The following CACNA1A variants were observed in gnomAD, a reference collection of about 807,000 sequenced individuals.
The protein encoded by CACNA1A is calcium voltage-gated channel subunit alpha1 A.
A neutral mutation model predicts 262.4 loss-of-function variants in CACNA1A; 57 were observed. The ratio of observed to expected loss-of-function variants is 0.22; its 90% confidence interval spans 0.18 to 0.27. CACNA1A has a LOEUF of 0.27. Ranked by LOEUF, CACNA1A falls within the 10% of genes least tolerant of loss-of-function variation. The pLI, the probability that CACNA1A is intolerant of heterozygous loss-of-function variation, is 1.00. For missense variants in CACNA1A, 2,526 were observed against 3,562.8 expected (o/e 0.71, Z 7.41); for synonymous variants, 1,431 against 1,419.3 (o/e 1.01, Z -0.18).
intron 3 of CACNA1A, among the ~76,000 whole-genome samples, chr19:13,406,590 G>A (rs1164408306): frequency 6.8e-6 from 1 of 146,132 alleles, no homozygotes; most frequent in Non-Finnish European, 1.5e-5. Flanking sequence ...GGTGCATTCA[G>A]TGTCCACTCC....
intron 3 of CACNA1A, among the ~76,000 whole-genome samples, chr19:13,437,657 C>T (rs916211809): frequency 6.2e-5 from 9 of 144,580 alleles, no homozygotes; most frequent in African/African-American, 2.3e-4. Context: ...CGCCACTGCA[C>T]TCCAGCCTGG....
chr19:13,338,566 C>CAATG (rs58950534), intron 6 of CACNA1A, among the ~76,000 whole-genome samples: 102,472 of 151,522 alleles, frequency 0.68, 34,786 homozygotes, highest in Admixed American at 0.75. Context: ...ATGCAATGAA[C>CAATG]AATGCCACAG....
chr19:13,266,405 A>G (rs1176126784), intron 24 of CACNA1A, among the ~76,000 whole-genome samples: 3 of 152,020 alleles, frequency 2.0e-5, no homozygotes, highest in African/African-American at 7.3e-5. Context: ...TTTAGAATAC[A>G]TGTTGATAGA....
Position 13,317,066 on chromosome 19 carries a change from G to A in CACNA1A, c.1555+46C>T, listed in dbSNP as rs765977644. ...AAAGAGAAGTGGAAAAAGGGTGTGA[G>A]GGAGGGATCAGGGAGTTGGCAGGGG... On this transcript the variant is annotated intron_variant, in intron 11 of 46. Coordinates refer to ENST00000360228, the MANE Select transcript of CACNA1A (RefSeq NM_001127222.2). 1.7e-5 allele frequency: 22 copies of A among 1,262,416 alleles called. No homozygotes were observed. In the East Asian group the frequency reaches 5.0e-4, roughly 29 times the overall value. The allele number at this position is 1,262,416 out of a possible 1,614,324, so 78.2% of individuals were successfully genotyped here.
chr19:13,207,386 GC>G lies in CACNA1A; in HGVS notation c.7447del (p.Ala2483ProfsTer125). On this transcript the variant is annotated frameshift_variant, in exon 47 of 47. Coordinates refer to ENST00000360228, the MANE Select transcript of CACNA1A (RefSeq NM_001127222.2). LOFTEE classifies it high-confidence loss of function. The surrounding 1 kb of genome is among the most constrained non-coding windows in gnomAD (Gnocchi z 5.7). The part of the protein sequence containing the change: ...PNGYYPAHGL[A>X]RPRGPGSRKG... Reference sequence around the variant, plus strand: ...CCTGGAGCCCGGCCCGCGGGGCCTGGCCAGTCCGTGCGCCGGGTAGTAGCCG... The same window carrying G: ...CCTGGAGCCCGGCCCGCGGGGCCTGGCAGTCCGTGCGCCGGGTAGTAGCCG... 6.5e-7 allele frequency: 1 copy of G among 1,541,952 alleles called. No homozygotes were observed. The highest frequency in any genetic ancestry group is 8.7e-7 in the Non-Finnish European group (1 of 1,150,184).
chr19:13,210,371 G>C (rs1296128065), intron 44 of CACNA1A, among the ~76,000 whole-genome samples: 7 of 152,148 alleles, frequency 4.6e-5, no homozygotes. Flanking sequence ...CTCCGGCGTG[G>C]GGGGCCCTGA....
intron 24 of CACNA1A, chr19:13,274,137 C>G (rs2057092167): frequency 6.6e-6 from 1 of 151,776 alleles, no homozygotes; most frequent in Admixed American, 6.6e-5. Context: ...AGTAAACGAA[C>G]AAAAAGAGAG....
chr19:13,483,348 T>C (rs985431223), intron 1 of CACNA1A, among the ~76,000 whole-genome samples: 3 of 152,132 alleles, frequency 2.0e-5, no homozygotes, highest in Non-Finnish European at 4.4e-5. Context: ...TGGGGGTTGC[T>C]TGTTACAGCA....
intron 23 of CACNA1A, among the ~76,000 whole-genome samples, chr19:13,276,273 A>T (rs999085548): frequency 6.6e-6 from 1 of 152,164 alleles, no homozygotes; most frequent in Non-Finnish European, 1.5e-5. Flanking sequence ...CTCTATTTCC[A>T]GAACCTTCCA....
At chr19:13,482,848 TTGTGTGTGTGTGTGTGTGTG>T (rs34754803) in intron 1 of CACNA1A, among the ~76,000 whole-genome samples, 18 of 134,016 alleles carry the variant, frequency 1.3e-4, no homozygotes, top group Middle Eastern at 7.4e-3. Context: ...TTCTCTCAAC[TTGTGTGTGTGTGTGTGTGTG>T]TGTGTGTGTG....
Position 13,298,606 on chromosome 19 carries a change from A to G in CACNA1A, c.3027T>C (p.Ala1009=), listed in dbSNP as rs751308248. The change falls in exon 19 of 47, where the codon GCT becomes GCC. Residue 1009 remains alanine (A), a synonymous_variant. Transcript: ENST00000360228. ...GERRRRHRHG[A]PATYEGDARR... ...GCGCGTCCCCCTCGTACGTGGCTGG[A>G]GCGCCATGCCGGTGCCTTCTCCTGC... 8 of 1,538,056 alleles carry G rather than the reference A, an allele frequency of 5.2e-6. No individual in the cohort carries two copies. The highest frequency in any genetic ancestry group is 2.6e-5 in the East Asian group (1 of 38,744).
chr19:13,416,360 A>G (rs965085099), intron 3 of CACNA1A, among the ~76,000 whole-genome samples: 1 of 152,066 alleles, frequency 6.6e-6, no homozygotes, highest in African/African-American at 2.4e-5. Context: ...GCCTCAGCTT[A>G]CCAAAGTGTT....
At chr19:13,259,241 G>A in intron 27 of CACNA1A, 1 of 169,186 alleles carries the variant, frequency 5.9e-6, no homozygotes, top group Non-Finnish European at 1.2e-5. Flanking sequence ...TGCCTCCTGG[G>A]TTCAAGTGAT....
intron 19 of CACNA1A, among the ~76,000 whole-genome samples, chr19:13,290,284 C>T (rs1216475225): frequency 1.3e-5 from 2 of 151,960 alleles, no homozygotes; most frequent in Non-Finnish European, 2.9e-5. Context: ...CTTGGACAGT[C>T]CACAAAGAAA....
chr19:13,330,188 T>C (rs2058442716), intron 10 of CACNA1A, 56 bp downstream of exon 10: 1 of 1,302,954 alleles, frequency 7.7e-7, no homozygotes. Flanking sequence ...CACCCCACCA[T>C]GTCTCTTGGG....
chr19:13,356,915 A>G (rs2059015488), intron 6 of CACNA1A, among the ~76,000 whole-genome samples: 1 of 152,180 alleles, frequency 6.6e-6, no homozygotes. Flanking sequence ...GATCTGCTGC[A>G]TGTTCCCAGA....
intron 38 of CACNA1A, among the ~76,000 whole-genome samples, chr19:13,223,297 G>T (rs934578422): frequency 6.6e-6 from 1 of 152,070 alleles, no homozygotes; most frequent in Non-Finnish European, 1.5e-5. Context: ...AGGTTCAAGC[G>T]ATTCTTCTGC....
At chr19:13,365,284 A>G in intron 5 of CACNA1A, 33 bp downstream of exon 5, 1 of 1,582,112 alleles carries the variant, frequency 6.3e-7, no homozygotes, top group Non-Finnish European at 8.6e-7. Flanking sequence ...GAAGGAGAAA[A>G]CTGGAAAGAT....
At chr19:13,357,033 T>C (rs1471476802) in intron 6 of CACNA1A, among the ~76,000 whole-genome samples, 1 of 152,206 alleles carries the variant, frequency 6.6e-6, no homozygotes, top group Non-Finnish European at 1.5e-5. Context: ...AATCGTATGT[T>C]GTCTATGATA....
Sources: allele counts gnomAD v4.1 joint callset (sites outside exome capture counted in the v4.1 genomes callset), GRCh38; gene constraint gnomAD v4.1.1; non-coding constraint Gnocchi (gnomAD v3.1); transcripts MANE v1.5; gene names NCBI Gene and HGNC (gene_info 2026-07-23, HGNC 2026-07-21).